Variants in PDE3A observed in about 807,000 individuals in gnomAD.
PDE3A encodes the protein phosphodiesterase 3A.
In PDE3A, 43 loss-of-function variants were observed where a neutral mutation model predicts 98.3. That is an observed-to-expected ratio of 0.44 (90% CI 0.34 to 0.56). The LOEUF (loss-of-function observed/expected upper bound fraction) is 0.56. Among genes scored for constraint, PDE3A ranks in the 20% least tolerant of loss-of-function variants. The pLI is 0.01. For missense variants in PDE3A, 1,427 were observed against 1,440.7 expected (o/e 0.99, Z 0.15); for synonymous variants, 663 against 567.9 (o/e 1.17, Z -2.38).
chr12:20,633,638 C>T lies in PDE3A; in HGVS notation c.1761-55C>T, dbSNP rs548887749. Reference sequence around the variant, plus strand: ...TAATGTATACATAGATGGTATGTGCCTATGACTTTTTGAAAAGAGGAGGCT... The same window carrying T: ...TAATGTATACATAGATGGTATGTGCTTATGACTTTTTGAAAAGAGGAGGCT... On this transcript the variant is annotated intron_variant, in intron 6 of 15. Transcript: ENST00000359062. 1.5e-5 allele frequency: 14 copies of T among 923,130 alleles called. No homozygotes were observed. The East Asian group carries it at 2.5e-4, about 16-fold the overall frequency. The allele number at this position is 923,130 out of a possible 1,614,324, so 57.2% of individuals were successfully genotyped here. A position where few individuals can be genotyped will look rare whatever the true frequency, so the allele number is the denominator to read the frequency against.
At chr12:20,585,915 C>T (rs141893329) in intron 2 of PDE3A, among the ~76,000 whole-genome samples, 264 of 152,234 alleles carry the variant, frequency 1.7e-3, no homozygotes, top group Admixed American at 3.3e-3. Context: ...CTAGACACTG[C>T]GGATACAAAG....
chr12:20,418,466 T>C lies in PDE3A; in HGVS notation c.960+48222T>C, dbSNP rs76050541. 8.6e-3 allele frequency among the ~76,000 whole-genome samples: 1,315 copies of C among 152,274 alleles called. 16 individuals carry two copies. The highest frequency in any genetic ancestry group is 0.03 in the African/African-American group (1,227 of 41,568). On this transcript the variant is annotated intron_variant, in intron 1 of 15. Transcript: ENST00000359062. ...GTGAATTGACCTCACCCCGGTTGCA[T>C]CTTAGCTTTTCTCCACCTTTTAGGG... is the stretch of plus-strand genomic sequence containing the variant.
chr12:20,423,334 A>G (rs1007318853), intron 1 of PDE3A, among the ~76,000 whole-genome samples: 5 of 152,280 alleles, frequency 3.3e-5, no homozygotes, highest in Admixed American at 1.3e-4. Context: ...CTGTTTCTGT[A>G]TCTCTTTCAC....
chr12:20,394,764 A>T (rs960637601), intron 1 of PDE3A, among the ~76,000 whole-genome samples: 2 of 151,956 alleles, frequency 1.3e-5, no homozygotes, highest in Non-Finnish European at 1.5e-5. Context: ...TATTGCATTG[A>T]TTGTCAACTG....
In PDE3A at chr12:20,616,278, A is replaced by G; in HGVS notation, c.1318A>G (p.Thr440Ala). The change falls in exon 4 of 16, where the codon ACT (threonine) becomes GCT (alanine). Residue 440 changes from threonine to alanine, a missense_variant. Thr to Ala is a moderately conservative substitution (Grantham distance 58). Coordinates refer to ENST00000359062, the MANE Select transcript of PDE3A (RefSeq NM_000921.5). ...TGGCTTGTTGAGACGAGTTTCTTCC[A>G]CTTGGACCACCACCACCTCGGCCAC... ...PPGLLRRVSS[T>A]WTTTTSATGL... is the part of the protein sequence containing the mutation. 6.2e-7 allele frequency: 1 copy of G among 1,613,952 alleles called. No homozygotes were observed. Among genetic ancestry groups the G allele is most frequent in the Non-Finnish European group, 8.5e-7 (1 of 1,179,948 alleles).
intron 2 of PDE3A, among the ~76,000 whole-genome samples, chr12:20,603,435 G>GAACTT (rs940827136): frequency 1.3e-5 from 2 of 152,130 alleles, no homozygotes; most frequent in Admixed American, 1.3e-4. Flanking sequence ...CACTTTTTAA[G>GAACTT]AACTTAAAAT....
In PDE3A at chr12:20,639,928, C is replaced by A; in HGVS notation, c.2222C>A (p.Ala741Asp). 6.6e-7 allele frequency: 1 copy of A among 1,508,686 alleles called. No homozygotes were observed. The highest frequency in any genetic ancestry group is 9.2e-7 in the Non-Finnish European group (1 of 1,085,104). 93.5% of individuals were successfully genotyped at this position (1,508,686 alleles called of 1,614,324 possible). Residue 741 changes from alanine to aspartate, a missense_variant, in exon 10 of 16, where the codon GCT becomes GAT. This residue lies in a region of PDE3A where 273 missense variants were observed against 420.3 expected (regional missense o/e 0.65). Coordinates refer to ENST00000359062, the MANE Select transcript of PDE3A (RefSeq NM_000921.5). ...PIREFMNYFH[A>D]LEIGYRDIPY... Reference sequence around the variant, plus strand: ...AGGGAATTTATGAATTATTTTCATGCTTTGGAGATTGGATATAGGGATATT... The same window carrying A: ...AGGGAATTTATGAATTATTTTCATGATTTGGAGATTGGATATAGGGATATT...
intron 15 of PDE3A, among the ~76,000 whole-genome samples, chr12:20,663,769 T>C (rs1945238991): frequency 6.6e-6 from 1 of 152,146 alleles, no homozygotes; most frequent in Non-Finnish European, 1.5e-5. Context: ...GATGAGACCT[T>C]GGACTTGGAC....
At chr12:20,607,722 T>A (rs1373773319) in intron 2 of PDE3A, among the ~76,000 whole-genome samples, 1 of 152,018 alleles carries the variant, frequency 6.6e-6, no homozygotes, top group Non-Finnish European at 1.5e-5. Flanking sequence ...TAAGTTTTTT[T>A]TTTTAAAGGA....
intron 1 of PDE3A, among the ~76,000 whole-genome samples, chr12:20,386,102 T>TATATAA (rs1565532518): frequency 0.014 from 205 of 14,600 alleles, 7 homozygotes; most frequent in South Asian, 0.062. Context: ...TATATATAAA[T>TATATAA]ATATATATAA....
intron 2 of PDE3A, among the ~76,000 whole-genome samples, chr12:20,587,444 T>A (rs985780113): frequency 6.6e-6 from 1 of 152,232 alleles, no homozygotes; most frequent in South Asian, 2.1e-4. Context: ...GATGAATTTT[T>A]TTTTTTAATT....
At chr12:20,616,869 G>A (rs1376781188) in intron 4 of PDE3A, among the ~76,000 whole-genome samples, 3 of 152,060 alleles carry the variant, frequency 2.0e-5, no homozygotes, top group Non-Finnish European at 4.4e-5. Context: ...CAAACATTTG[G>A]TAATTTAAAC....
intron 1 of PDE3A, among the ~76,000 whole-genome samples, chr12:20,409,346 T>A (rs1046494375): frequency 6.6e-6 from 1 of 152,160 alleles, no homozygotes; most frequent in Non-Finnish European, 1.5e-5. Context: ...TTTCTACAAC[T>A]CTTTCTAGAA....
At chr12:20,658,599 A>T (rs1225481370) in intron 15 of PDE3A, among the ~76,000 whole-genome samples, 1 of 152,132 alleles carries the variant, frequency 6.6e-6, no homozygotes, top group Non-Finnish European at 1.5e-5. Context: ...GTGCTGGAGG[A>T]TGTTATGTGA....
At chr12:20,500,233 G>T (rs1945997128) in intron 1 of PDE3A, among the ~76,000 whole-genome samples, 1 of 152,034 alleles carries the variant, frequency 6.6e-6, no homozygotes, top group Non-Finnish European at 1.5e-5. Context: ...GTAAGTCAAG[G>T]GTGTTCTTGA....
intron 2 of PDE3A, among the ~76,000 whole-genome samples, chr12:20,607,161 G>T (rs1051954736): frequency 6.6e-6 from 1 of 152,108 alleles, no homozygotes; most frequent in Non-Finnish European, 1.5e-5. Flanking sequence ...GTACTCAGTC[G>T]GGCGCGGTGG....
At chr12:20,648,280 A>G (rs1944823218) in intron 12 of PDE3A, among the ~76,000 whole-genome samples, 1 of 150,026 alleles carries the variant, frequency 6.7e-6, no homozygotes, top group African/African-American at 2.4e-5. Flanking sequence ...ATAATTATAT[A>G]TTATATTTAT....
intron 1 of PDE3A, among the ~76,000 whole-genome samples, chr12:20,480,682 T>C (rs1344806591): frequency 1.3e-5 from 2 of 152,210 alleles, no homozygotes; most frequent in East Asian, 3.9e-4. Context: ...GTAACTTTGA[T>C]TTTTCTTAAA....
intron 15 of PDE3A, among the ~76,000 whole-genome samples, chr12:20,667,375 C>T (rs1234698276): frequency 1.3e-5 from 2 of 152,074 alleles, no homozygotes; most frequent in Non-Finnish European, 2.9e-5. Context: ...TAGAACTTCC[C>T]TTATGTTGTC....
Sources: allele counts gnomAD v4.1 joint callset (sites outside exome capture counted in the v4.1 genomes callset), GRCh38; gene constraint gnomAD v4.1.1; regional missense constraint gnomAD v4.1.1; transcripts MANE v1.5; gene names NCBI Gene and HGNC (gene_info 2026-07-23, HGNC 2026-07-21).